Variants in COL5A2 observed in about 807,000 individuals in gnomAD.
COL5A2 encodes collagen alpha-2(V) chain.
COL5A2 carries 23 observed loss-of-function variants against 208.2 expected under a neutral mutation model. That is an observed-to-expected ratio of 0.11 (90% confidence interval 0.08 to 0.16). The LOEUF (loss-of-function observed/expected upper bound fraction) is 0.16. COL5A2 is among the 10% of genes least tolerant of loss of function. COL5A2 has a pLI of 1.00. For synonymous variants in COL5A2, 625 were observed against 628.5 expected, an observed-to-expected ratio of 0.99 and a Z score of 0.08; for missense variants, 1,590 against 1,956.4, an observed-to-expected ratio of 0.81 and a Z score of 3.53.
chr2:189,186,890 T>A (rs532470752), intron 1 of COL5A2, among the ~76,000 whole-genome samples: 102 of 152,386 alleles, frequency 6.7e-4, no homozygotes, highest in African/African-American at 2.3e-3. Flanking sequence ...ATTAAAGATA[T>A]TTCCTTTTTT....
intron 1 of COL5A2, among the ~76,000 whole-genome samples, chr2:189,174,252 C>G (rs1397168343): frequency 6.6e-6 from 1 of 152,096 alleles, no homozygotes; most frequent in African/African-American, 2.4e-5. Context: ...GTGTGAAGAG[C>G]AGAAAGTAAG....
chr2:189,440,571 G>A, the COL5A2 span, among the ~76,000 whole-genome samples: 1,765 of 152,296 alleles, frequency 0.012, 39 homozygotes, highest in East Asian at 0.11. Context: ...TGTGACATGT[G>A]ACTATATTTG....
intron 36 of COL5A2, 89 bp from the exon 37 acceptor site, chr2:189,054,037 G>T: frequency 7.0e-7 from 1 of 1,437,422 alleles, no homozygotes; most frequent in South Asian, 1.2e-5. Flanking sequence ...GGAGATAGTG[G>T]AAAAGAACTC....
intron 1 of COL5A2, among the ~76,000 whole-genome samples, chr2:189,206,612 C>A (rs1689146581): frequency 6.6e-6 from 1 of 152,148 alleles, no homozygotes; most frequent in Non-Finnish European, 1.5e-5. Flanking sequence ...GAATAACCAC[C>A]AGAGGAAAGG....
chr2:189,115,627 A>C (rs1276727403), intron 1 of COL5A2, among the ~76,000 whole-genome samples: 2 of 152,174 alleles, frequency 1.3e-5, no homozygotes, highest in Non-Finnish European at 2.9e-5. Flanking sequence ...AAAATTTTAA[A>C]TCTCTTATTC....
chr2:189,203,312 C>T, intron 1 of COL5A2, among the ~76,000 whole-genome samples: 1 of 152,192 alleles, frequency 6.6e-6, no homozygotes, highest in Admixed American at 6.5e-5. Context: ...ATAATCAACA[C>T]ACCCATCCCA....
intron 1 of COL5A2, among the ~76,000 whole-genome samples, chr2:189,202,389 A>G (rs998988977): frequency 6.6e-6 from 1 of 152,148 alleles, no homozygotes; most frequent in Non-Finnish European, 1.5e-5. Context: ...ACTGTTCAGA[A>G]TTCTCATGTG....
chr2:189,219,961 T>A (rs1689326938), intron 1 of COL5A2, among the ~76,000 whole-genome samples: 1 of 152,114 alleles, frequency 6.6e-6, no homozygotes, highest in Non-Finnish European at 1.5e-5. Flanking sequence ...AACAAAGGGG[T>A]CCACATTTTC....
At chr2:189,368,404 A>C in the COL5A2 span, among the ~76,000 whole-genome samples, 1 of 152,150 alleles carries the variant, frequency 6.6e-6, no homozygotes, top group Non-Finnish European at 1.5e-5. Flanking sequence ...CACAACATAC[A>C]TCGGATAGTA....
chr2:189,366,257 C>T, the COL5A2 span, among the ~76,000 whole-genome samples: 1 of 152,134 alleles, frequency 6.6e-6, no homozygotes, highest in Non-Finnish European at 1.5e-5. Context: ...TAAGGTCCAG[C>T]CCCCACCCCA....
At chr2:189,386,421 C>T in the COL5A2 span, among the ~76,000 whole-genome samples, 1 of 151,906 alleles carries the variant, frequency 6.6e-6, no homozygotes, top group African/African-American at 2.4e-5. Context: ...TTGGCATTGG[C>T]AAATAATTTA....
At chr2:189,359,606 C>G in the COL5A2 span, among the ~76,000 whole-genome samples, 4 of 152,174 alleles carry the variant, frequency 2.6e-5, no homozygotes, top group Admixed American at 6.5e-5. Flanking sequence ...AGTATTCCCG[C>G]CTCTTCAACT....
At chr2:189,298,057 G>A in the COL5A2 span, among the ~76,000 whole-genome samples, 1 of 152,112 alleles carries the variant, frequency 6.6e-6, no homozygotes, top group African/African-American at 2.4e-5. Flanking sequence ...GACAGAATTT[G>A]ACTGCTAGAG....
chr2:189,382,730 G>T, the COL5A2 span, among the ~76,000 whole-genome samples: 6 of 152,178 alleles, frequency 3.9e-5, no homozygotes, highest in Admixed American at 2.0e-4. Flanking sequence ...GTTCTTATAG[G>T]TTTGGGATAG....
the COL5A2 span, among the ~76,000 whole-genome samples, chr2:189,415,695 T>G: frequency 6.6e-6 from 1 of 152,352 alleles, no homozygotes; most frequent in African/African-American, 2.4e-5. Context: ...AGTCTTGCTC[T>G]GTCGCCCAGG....
chr2:189,428,416 G>A, the COL5A2 span, among the ~76,000 whole-genome samples: 1 of 152,218 alleles, frequency 6.6e-6, no homozygotes, highest in South Asian at 2.1e-4. Context: ...TCAGGAGTTT[G>A]AGACTAGCCT....
the COL5A2 span, among the ~76,000 whole-genome samples, chr2:189,360,648 C>T: frequency 6.6e-6 from 1 of 151,796 alleles, no homozygotes. Context: ...TTCTGGGATA[C>T]ATGTGCAAGA....
intron 31 of COL5A2, among the ~76,000 whole-genome samples, chr2:189,059,584 GGTTTTTTTTT>G (rs1158613774): frequency 4.7e-5 from 1 of 21,234 alleles, no homozygotes; most frequent in African/African-American, 8.8e-5. Context: ...TTTCTTTTCT[GGTTTTTTTTT>G]TTTTTTTTTT....
At chr2:189,180,936 T>C (rs1688771254), upstream of COL5A2, among the ~76,000 whole-genome samples, 1 of 152,306 alleles carries the variant, frequency 6.6e-6, no homozygotes, top group South Asian at 2.1e-4. Context: ...AGTGAGTCAA[T>C]TGTTTATAAT....
Sources: gnomAD v4.1 joint callset for allele counts (sites outside exome capture counted in the v4.1 genomes callset) on GRCh38, gnomAD v4.1.1 for gene constraint, MANE v1.5 for transcripts, NCBI Gene and HGNC (gene_info 2026-07-23, HGNC 2026-07-21) for gene names.